SETX: variants seen among roughly 807,000 people sequenced by gnomAD.
SETX encodes helicase senataxin.
In SETX, 90 loss-of-function variants were observed where a neutral mutation model predicts 227.2. That is an observed-to-expected ratio of 0.40 (90% CI 0.33 to 0.47). SETX has a LOEUF of 0.47. Among genes scored for constraint, SETX ranks in the 20% least tolerant of loss-of-function variants. The probability of loss-of-function intolerance (pLI) is 0.91; values close to 1 mark genes in which losing one functional copy is unlikely to be tolerated. For synonymous variants in SETX, 1,210 were observed against 1,113.2 expected, an observed-to-expected ratio of 1.09 and a Z score of -1.73; for missense variants, 3,052 against 3,181.5, an observed-to-expected ratio of 0.96 and a Z score of 0.98.
At chr9:132,305,136 C>T (rs375112884) in intron 11 of SETX, among the ~76,000 whole-genome samples, 3 of 151,876 alleles carry the variant, frequency 2.0e-5, no homozygotes, top group African/African-American at 7.2e-5. Context: ...GGGCGGATCA[C>T]GAGGTTAGGA....
At chr9:132,343,521 T>C (rs1260163924) in intron 4 of SETX, among the ~76,000 whole-genome samples, 1 of 152,172 alleles carries the variant, frequency 6.6e-6, no homozygotes, top group Non-Finnish European at 1.5e-5. Flanking sequence ...GCTATCCCAC[T>C]CCCATTTATT....
chr9:132,305,583 G>A lies in SETX; in HGVS notation c.5375-4780C>T, dbSNP rs117538617. Among the ~76,000 whole-genome samples the A allele has an allele frequency of 1.2e-3, 177 of 152,230 alleles. 2 individuals carry two copies. The East Asian group carries it at 0.025, about 22-fold the overall frequency. On this transcript the variant is annotated intron_variant, in intron 11 of 25. Coordinates refer to ENST00000224140, the MANE Select transcript of SETX (RefSeq NM_015046.7). ...TGTACCTCCCAATCTGACAGACTGA[G>A]AAGAGCACAAACTACTTCTATGTTT... is the stretch of plus-strand genomic sequence containing the variant.
chr9:132,349,825 C>A (rs1455569944), intron 2 of SETX, among the ~76,000 whole-genome samples: 1 of 152,178 alleles, frequency 6.6e-6, no homozygotes, highest in Non-Finnish European at 1.5e-5. Context: ...ATTTCATAAA[C>A]TGAATGGACC....
chr9:132,325,663 A>AT (rs1490743951), intron 10 of SETX, among the ~76,000 whole-genome samples: 1 of 152,118 alleles, frequency 6.6e-6, no homozygotes, highest in Non-Finnish European at 1.5e-5. Context: ...ACAGTGGCTC[A>AT]TGCCCGTAAT....
intron 17 of SETX, among the ~76,000 whole-genome samples, chr9:132,287,042 G>T (rs193018184): frequency 2.0e-5 from 3 of 152,164 alleles, no homozygotes; most frequent in African/African-American, 7.2e-5. Context: ...ATTATGGAGT[G>T]GAGAAATGAT....
intron 1 of SETX, 123 bp from the exon 2 acceptor site, chr9:132,353,878 T>C (rs1023939870): frequency 2.0e-5 from 3 of 152,374 alleles, no homozygotes; most frequent in African/African-American, 7.2e-5. Flanking sequence ...CCAGATAGGT[T>C]AGACAACTTG....
rs141017226 is a variant in SETX at position 132,310,185 on chromosome 9, G to A, written c.5374+1572C>T. On this transcript the variant is annotated intron_variant, in intron 11 of 25. Coordinates refer to ENST00000224140, the MANE Select transcript of SETX (RefSeq NM_015046.7). The stretch of plus-strand genomic sequence containing the variant: ...TGAAAAGATGCTCAATCTCCCTAAT[G>A]AGGACATTACAAAAGCCCACAAAAC... 7.4e-4 allele frequency among the ~76,000 whole-genome samples: 113 copies of A among 152,286 alleles called. 1 individual carries two copies. In the East Asian group the frequency reaches 0.017, roughly 23 times the overall value.
rs199625845 is a variant in SETX at position 132,328,515 on chromosome 9, A to G, written c.3083T>C (p.Leu1028Pro). 1 of 1,613,966 alleles carries G rather than the reference A, an allele frequency of 6.2e-7. No individual in the cohort carries two copies. Among genetic ancestry groups the G allele is most frequent in the African/African-American group, 1.3e-5 (1 of 75,066 alleles). The change falls in exon 10 of 26, where the codon CTG becomes CCG. Residue 1028 changes from leucine to proline, a missense_variant. Around this residue, in one of 10 missense-constraint regions of SETX, gnomAD observed 1,483 missense variants for 1,312.0 expected, o/e 1.13. Transcript: ENST00000224140. The stretch of plus-strand genomic sequence containing the variant: ...CTGTTTAGTGAGTTTCTCAAGACTC[A>G]GGATTCTTTCATCATCATCATCATC... ...DSDDDDDERILSLEKLTKQDK... is the reference protein window; with the variant it reads ...DSDDDDDERIPSLEKLTKQDK...
At chr9:132,322,184 A>G (rs1435357804) in intron 10 of SETX, among the ~76,000 whole-genome samples, 1 of 152,068 alleles carries the variant, frequency 6.6e-6, no homozygotes, top group Admixed American at 6.6e-5. Flanking sequence ...TTGCTAATCA[A>G]ATTTATTCTC....
chr9:132,352,380 C>CT (rs1438866247), intron 2 of SETX, among the ~76,000 whole-genome samples: 2 of 152,214 alleles, frequency 1.3e-5, no homozygotes, highest in Admixed American at 1.3e-4. Flanking sequence ...ATTCAGTACT[C>CT]TTTCTGGGCG....
In SETX at chr9:132,298,095, T is replaced by C. The variant is rs1056761837; in HGVS notation, c.5766A>G (p.Thr1922=). Residue 1922 remains threonine (T), a synonymous_variant, in exon 13 of 26, where the codon ACA becomes ACG. Transcript: ENST00000224140. The stretch of plus-strand genomic sequence containing the variant: ...CATCACTCACAATTCTCTCAGATGT[T>C]GTAGTCAGTAAATCTTTTGTACAGA... The part of the protein sequence containing the change: ...MDFCTKDLLT[T]TSERIIAYLR... 4 of 1,613,292 alleles carry C rather than the reference T, an allele frequency of 2.5e-6. No homozygotes were observed. In the African/African-American group the frequency reaches 5.3e-5, roughly 22 times the overall value.
chr9:132,312,396 T>C (rs571265304), intron 10 of SETX, among the ~76,000 whole-genome samples: 93 of 152,348 alleles, frequency 6.1e-4, no homozygotes, highest in African/African-American at 2.2e-3. Flanking sequence ...AATAAGACTA[T>C]TCCCAATCCC....
chr9:132,315,804 C>T (rs898891412), intron 10 of SETX, among the ~76,000 whole-genome samples: 3 of 152,154 alleles, frequency 2.0e-5, no homozygotes, highest in Admixed American at 1.3e-4. Flanking sequence ...TGTCAGGAGT[C>T]TATGCAAGGC....
In SETX at chr9:132,349,352, G is replaced by A. The variant is rs377617692; in HGVS notation, c.77C>T (p.Pro26Leu). The A allele has an allele frequency of 6.2e-5, 100 of 1,613,964 alleles. No homozygotes were observed. The highest frequency in any genetic ancestry group is 8.8e-5 in the South Asian group (8 of 91,086). The change falls in exon 3 of 26, where the codon CCG becomes CTG. Residue 26 changes from proline to leucine, a missense_variant. Pro to Leu is a moderately conservative substitution (Grantham distance 98). Around this residue, in one of 10 missense-constraint regions of SETX, gnomAD observed 152 missense variants for 156.2 expected, o/e 0.97. Coordinates refer to ENST00000224140, the MANE Select transcript of SETX (RefSeq NM_015046.7). The part of the protein sequence containing the change: ...DFLKRYASNT[P>L]SGEFQTADED... The stretch of plus-strand genomic sequence containing the variant: ...GTCGGCTGTTTGAAATTCACCGGAC[G>A]GAGTGTTGGAAGCATAGCGCTTTAG...
At chr9:132,285,883 A>C (rs986899794) in intron 18 of SETX, among the ~76,000 whole-genome samples, 3 of 142,944 alleles carry the variant, frequency 2.1e-5, no homozygotes, top group African/African-American at 7.9e-5. Flanking sequence ...TGTCTCAAAA[A>C]AAAAAAAACA....
chr9:132,333,983 G>A (rs540327208), intron 7 of SETX, among the ~76,000 whole-genome samples: 26 of 152,042 alleles, frequency 1.7e-4, no homozygotes, highest in Non-Finnish European at 2.5e-4. Context: ...CAAAGAGGCA[G>A]GCAAAGGGAG....
At chr9:132,325,788 G>A (rs1025464579) in intron 10 of SETX, among the ~76,000 whole-genome samples, 5 of 151,818 alleles carry the variant, frequency 3.3e-5, no homozygotes, top group Admixed American at 6.6e-5. Flanking sequence ...CAAAATTAGT[G>A]AGGCCTGGTG....
intron 25 of SETX, among the ~76,000 whole-genome samples, chr9:132,269,132 C>T (rs1842780213): frequency 6.6e-6 from 1 of 152,264 alleles, no homozygotes; most frequent in Non-Finnish European, 1.5e-5. Flanking sequence ...TACACCTCTT[C>T]CAGAGGGGCG....
intron 23 of SETX, among the ~76,000 whole-genome samples, chr9:132,272,842 C>T (rs541968982): frequency 2.7e-5 from 4 of 149,636 alleles, no homozygotes; most frequent in Non-Finnish European, 5.9e-5. Flanking sequence ...ATTAATATTT[C>T]ATTGTACCAC....
Sources: gnomAD v4.1 joint callset for allele counts (sites outside exome capture counted in the v4.1 genomes callset) on GRCh38, gnomAD v4.1.1 for gene constraint, gnomAD v4.1.1 regional missense constraint, MANE v1.5 for transcripts, NCBI Gene and HGNC (gene_info 2026-07-23, HGNC 2026-07-21) for gene names.